The following PCNX2 variants were observed in gnomAD, a reference collection of about 807,000 sequenced individuals.
The protein encoded by PCNX2 is pecanex 2, also known as pecanex-like protein 2.
In PCNX2, 168 loss-of-function variants were observed where a neutral mutation model predicts 223.8. That is an observed-to-expected ratio of 0.75 (90% CI 0.66 to 0.85). The LOEUF (loss-of-function observed/expected upper bound fraction) is 0.85. PCNX2 is among the 40% of genes least tolerant of loss of function. The probability of loss-of-function intolerance (pLI) is 0.00; values close to 1 mark genes in which losing one functional copy is unlikely to be tolerated. For synonymous variants in PCNX2, 1,006 were observed against 1,052.6 expected, an observed-to-expected ratio of 0.96 and a Z score of 0.86; for missense variants, 2,507 against 2,675.5, an observed-to-expected ratio of 0.94 and a Z score of 1.39.
At chr1:233,288,510 C>T (rs1403029118) in intron 1 of PCNX2, among the ~76,000 whole-genome samples, 2 of 152,136 alleles carry the variant, frequency 1.3e-5, no homozygotes, top group African/African-American at 4.8e-5. Flanking sequence ...TGCCCACCGA[C>T]ATGCATGTAT....
At chr1:233,314,926 A>G in the PCNX2 span, among the ~76,000 whole-genome samples, 217 of 152,348 alleles carry the variant, frequency 1.4e-3, no homozygotes, top group Non-Finnish European at 2.7e-3. Flanking sequence ...TTAAGTAGCA[A>G]CCACAAATAA....
chr1:233,255,191 A>G lies in PCNX2; in HGVS notation c.1835-2403T>C, dbSNP rs144624343. ...CCAAACAATAACCCCCATAATAATT[A>G]GCCCGAAATGGCCAGGACTTGATTC... On this transcript the variant is annotated intron_variant, in intron 5 of 33. Coordinates refer to ENST00000258229, the MANE Select transcript of PCNX2 (RefSeq NM_014801.4). Among the ~76,000 whole-genome samples, 1,236 of 152,278 alleles carry G rather than the reference A, an allele frequency of 8.1e-3. 19 individuals carry two copies. The highest frequency in any genetic ancestry group is 0.028 in the African/African-American group (1,172 of 41,554).
chr1:233,014,428 AGAATC>A (rs1670577292), intron 28 of PCNX2, among the ~76,000 whole-genome samples: 2 of 152,204 alleles, frequency 1.3e-5, no homozygotes, highest in African/African-American at 4.8e-5. Context: ...TCCTATATCC[AGAATC>A]CCTGGGTCTT....
At chr1:233,144,956 T>G (rs868762158) in intron 19 of PCNX2, among the ~76,000 whole-genome samples, 8 of 87,702 alleles carry the variant, frequency 9.1e-5, no homozygotes, top group South Asian at 6.5e-4. Context: ...TTGTTTTGTT[T>G]TTTTTTTTTG....
At chr1:233,012,874 G>A (rs1670516056) in intron 28 of PCNX2, among the ~76,000 whole-genome samples, 1 of 152,154 alleles carries the variant, frequency 6.6e-6, no homozygotes, top group South Asian at 2.1e-4. Flanking sequence ...CATCTTCCCA[G>A]GTGCTACGAA....
rs924687006 is a variant in PCNX2, at chr1:233,202,056, C to T, written c.2864-1792G>A. Reference sequence around the variant, plus strand: ...AAGCTCTAGTCTTTAAAATAAATGTCGTGGAGGTGGAATGGGAGGAAGAGG... The same window carrying T: ...AAGCTCTAGTCTTTAAAATAAATGTTGTGGAGGTGGAATGGGAGGAAGAGG... On this transcript the variant is annotated intron_variant, in intron 13 of 33. Coordinates refer to ENST00000258229, the MANE Select transcript of PCNX2 (RefSeq NM_014801.4). 39 of 386,620 alleles carry T rather than the reference C, an allele frequency of 1.0e-4. No homozygotes were observed. In the East Asian group the frequency reaches 2.4e-3, roughly 23 times the overall value. 23.9% of individuals were successfully genotyped at this position (386,620 alleles called of 1,614,324 possible).
Position 233,147,355 on chromosome 1 carries a change from T to A in PCNX2, c.3518-7500A>T, listed in dbSNP as rs530724007. Among the ~76,000 whole-genome samples, 13 of 152,312 alleles carry A rather than the reference T, an allele frequency of 8.5e-5. No individual in the cohort carries two copies. In the East Asian group the frequency reaches 2.3e-3, roughly 27 times the overall value. On this transcript the variant is annotated intron_variant, in intron 19 of 33. Coordinates refer to ENST00000258229, the MANE Select transcript of PCNX2 (RefSeq NM_014801.4). ...AAAGCATGCTAGAGAAAAGAAGATG[T>A]TATTAAGAAAATCATAAGAAAGAGA...
At chr1:233,244,020 G>A (rs1229298659) in intron 8 of PCNX2, among the ~76,000 whole-genome samples, 4 of 152,058 alleles carry the variant, frequency 2.6e-5, no homozygotes, top group Non-Finnish European at 4.4e-5. Context: ...TAGTAGAGAC[G>A]GGGTTTCACT....
At chr1:233,314,486 C>T in the PCNX2 span, among the ~76,000 whole-genome samples, 1 of 151,974 alleles carries the variant, frequency 6.6e-6, no homozygotes, top group Non-Finnish European at 1.5e-5. Context: ...TAGGTTACTT[C>T]TACGTGGAAA....
intron 21 of PCNX2, among the ~76,000 whole-genome samples, chr1:233,119,708 A>G (rs1239432258): frequency 6.6e-6 from 1 of 152,132 alleles, no homozygotes; most frequent in Admixed American, 6.5e-5. Flanking sequence ...AGTTTTTTGC[A>G]CTTCACACAA....
At chr1:233,183,063 T>C (rs1388141457) in intron 15 of PCNX2, among the ~76,000 whole-genome samples, 1 of 152,142 alleles carries the variant, frequency 6.6e-6, no homozygotes, top group African/African-American at 2.4e-5. Context: ...CTATGTTCTT[T>C]TATTATGTTT....
In PCNX2 at chr1:233,293,132, T is replaced by C. The variant is rs1483563368; in HGVS notation, c.153+2194A>G. Among the ~76,000 whole-genome samples, 6 of 152,174 alleles carry C rather than the reference T, an allele frequency of 3.9e-5. No homozygotes were observed. The South Asian group carries it at 8.3e-4, about 21-fold the overall frequency. On this transcript the variant is annotated intron_variant, in intron 1 of 33. Coordinates refer to ENST00000258229, the MANE Select transcript of PCNX2 (RefSeq NM_014801.4). ...AGGTAGAAATTAAGGGTTCTGACCA[T>C]ACGTAGACATCAAATCTTAAGTAGA...
At position 233,020,193 on chromosome 1, in the gene PCNX2, T is replaced by C. The variant is rs145142052; in HGVS notation, c.4606-3039A>G. 4.4e-3 allele frequency among the ~76,000 whole-genome samples: 677 copies of C among 152,328 alleles called. 4 individuals carry two copies. Among genetic ancestry groups the C allele is most frequent in the African/African-American group, 0.016 (648 of 41,562 alleles). On this transcript the variant is annotated intron_variant, in intron 26 of 33. Coordinates refer to ENST00000258229, the MANE Select transcript of PCNX2 (RefSeq NM_014801.4). ...CTCTCCGTCTGGCAAAACGCTGCAG[T>C]GCTGACTTCAGAACAGAACCCAGCT... is the stretch of plus-strand genomic sequence containing the variant.
At chr1:233,166,326 TC>T (rs1383582275) in intron 17 of PCNX2, among the ~76,000 whole-genome samples, 2 of 152,110 alleles carry the variant, frequency 1.3e-5, no homozygotes, top group Non-Finnish European at 2.9e-5. Context: ...ATCTTAATGA[TC>T]CTGGATTTGG....
chr1:233,261,114 G>T (rs16858909), intron 4 of PCNX2, among the ~76,000 whole-genome samples, 171 bp downstream of exon 4: 1 of 152,034 alleles, frequency 6.6e-6, no homozygotes. Context: ...TACAAATACC[G>T]ATGAGAAAAA....
chr1:233,152,119 T>C (rs1291728605), intron 19 of PCNX2, among the ~76,000 whole-genome samples: 2 of 152,092 alleles, frequency 1.3e-5, no homozygotes, highest in African/African-American at 4.8e-5. Flanking sequence ...TGAGAGTGCC[T>C]GGCAGGGAGG....
At chr1:232,996,252 C>A (rs1303530041) in intron 32 of PCNX2, among the ~76,000 whole-genome samples, 2 of 152,158 alleles carry the variant, frequency 1.3e-5, no homozygotes, top group African/African-American at 4.8e-5. Context: ...CCCTGCCCAC[C>A]CCGCAGCCAC....
chr1:233,067,305 TA>T (rs1215413762), intron 23 of PCNX2, among the ~76,000 whole-genome samples: 1 of 120,276 alleles, frequency 8.3e-6, no homozygotes, highest in African/African-American at 3.3e-5. Context: ...TTAGCCGCCA[TA>T]AAAATGTTTC....
At chr1:233,053,232 T>C (rs1672070454) in intron 25 of PCNX2, among the ~76,000 whole-genome samples, 1 of 152,022 alleles carries the variant, frequency 6.6e-6, no homozygotes. Flanking sequence ...CCGCAAGCGC[T>C]GGTCAGCCCT....
Sources: allele counts gnomAD v4.1 joint callset (sites outside exome capture counted in the v4.1 genomes callset), GRCh38; gene constraint gnomAD v4.1.1; transcripts MANE v1.5; gene names NCBI Gene and HGNC (gene_info 2026-07-23, HGNC 2026-07-21).